MTFMT: variants seen among roughly 807,000 people sequenced by gnomAD.
MTFMT encodes mitochondrial methionyl-tRNA formyltransferase, also known as methionyl-tRNA formyltransferase, mitochondrial.
MTFMT carries 47 observed loss-of-function variants against 51.8 expected under a neutral mutation model. That is an observed-to-expected ratio of 0.91 (90% confidence interval 0.72 to 1.16). MTFMT has a LOEUF of 1.16. Among genes scored for constraint, MTFMT ranks in the 50% most tolerant of loss-of-function variants. The pLI, the probability that MTFMT is intolerant of heterozygous loss-of-function variation, is 0.00. For synonymous variants in MTFMT, 196 were observed against 176.7 expected, an observed-to-expected ratio of 1.11 and a Z score of -0.87; for missense variants, 512 against 482.3, an observed-to-expected ratio of 1.06 and a Z score of -0.58.
At position 65,023,712 on chromosome 15, in the gene MTFMT, T is replaced by G. The variant is rs763114536; in HGVS notation, c.502A>C (p.Thr168Pro). 2 of 1,613,692 alleles carry G rather than the reference T, an allele frequency of 1.2e-6. No individual in the cohort carries two copies. The highest frequency in any genetic ancestry group is 1.7e-6 in the Non-Finnish European group (2 of 1,179,766). The change falls in exon 3 of 9, where the codon ACA becomes CCA. Residue 168 changes from threonine (T) to proline (P), a missense_variant. Transcript: ENST00000220058. The part of the protein sequence containing the change: ...PVIHTVLHGD[T>P]VTGVTIMQIR... ...TGCATAATTGTTACTCCAGTAACTG[T>G]GTCTCCGTGAAGCACTGTATGGATT...
At chr15:65,027,202 CTT>C (rs544080836) in intron 1 of MTFMT, among the ~76,000 whole-genome samples, 162 bp from the exon 2 acceptor site, 13 of 143,900 alleles carry the variant, frequency 9.0e-5, no homozygotes, top group Admixed American at 1.4e-4. Context: ...TTTTCTTTTT[CTT>C]TTTTTTTTTT....
chr15:65,001,609 C>T lies in MTFMT; in HGVS notation c.*1453G>A, dbSNP rs2086177002. On this transcript the variant is annotated 3_prime_UTR_variant, in exon 9 of 9. Transcript: ENST00000220058. The stretch of plus-strand genomic sequence containing the variant: ...GGGTGCAGTGGTTCATGCTTGTAAT[C>T]CCAGCACTTTGAGAGGCCAAGGCAG... The T allele has an allele frequency of 6.6e-6, 1 of 152,266 alleles. No homozygotes were observed. Among genetic ancestry groups the T allele is most frequent in the African/African-American group, 2.4e-5 (1 of 41,450 alleles). The allele number at this position is 152,266 out of a possible 1,614,324, so 9.4% of individuals were successfully genotyped here. A position where few individuals can be genotyped will look rare whatever the true frequency, so the allele number is the denominator to read the frequency against.
chr15:65,017,519 CA>C (rs1174092831), intron 5 of MTFMT, among the ~76,000 whole-genome samples: 1 of 152,050 alleles, frequency 6.6e-6, no homozygotes. Flanking sequence ...AGAACTATGC[CA>C]CCATAAAAAA....
At chr15:65,007,470 A>G (rs2086227813) in intron 6 of MTFMT, among the ~76,000 whole-genome samples, 1 of 152,202 alleles carries the variant, frequency 6.6e-6, no homozygotes, top group Non-Finnish European at 1.5e-5. Flanking sequence ...TTTATGATAG[A>G]TATTTGTTAT....
chr15:65,006,773 GCATTA>G (rs1432013842), intron 6 of MTFMT, among the ~76,000 whole-genome samples: 1 of 152,044 alleles, frequency 6.6e-6, no homozygotes, highest in Admixed American at 6.6e-5. Flanking sequence ...AAAAATGCAA[GCATTA>G]CATTATGTTA....
chr15:65,003,686 G>A (rs560268555), intron 8 of MTFMT, among the ~76,000 whole-genome samples: 28 of 150,550 alleles, frequency 1.9e-4, no homozygotes, highest in Admixed American at 4.0e-4. Context: ...GCGAAACCCC[G>A]TCCTTACAAA....
intron 6 of MTFMT, among the ~76,000 whole-genome samples, chr15:65,013,307 A>G (rs1258558746): frequency 7.4e-6 from 1 of 134,368 alleles, no homozygotes; most frequent in East Asian, 2.0e-4. Flanking sequence ...TAAGAGACAA[A>G]GTCTGGCTAT....
At chr15:65,022,585 GT>G (rs1487298331) in intron 3 of MTFMT, among the ~76,000 whole-genome samples, 2 of 149,352 alleles carry the variant, frequency 1.3e-5, no homozygotes, top group Admixed American at 6.6e-5. Context: ...TTTGCTTTTT[GT>G]TTTTGTTAAT....
rs185900335 is a variant in MTFMT, at chr15:65,007,358, G to T, written c.814-1167C>A. Among the ~76,000 whole-genome samples, 499 of 152,298 alleles carry T rather than the reference G, an allele frequency of 3.3e-3. 2 individuals are homozygous for T. Among genetic ancestry groups the T allele is most frequent in the Admixed American group, 7.8e-3 (120 of 15,296 alleles). On this transcript the variant is annotated intron_variant, in intron 6 of 8. Transcript: ENST00000220058. ...ACTGTTTTACAAGGACTTTTGTTATGTGACCATAAAGCATTGATGTTTCAT... is the reference window on the plus strand; with the variant it reads ...ACTGTTTTACAAGGACTTTTGTTATTTGACCATAAAGCATTGATGTTTCAT...
chr15:65,006,338 A>C, intron 6 of MTFMT, 147 bp from the exon 7 acceptor site: 1 of 593,864 alleles, frequency 1.7e-6, no homozygotes, highest in Non-Finnish European at 3.1e-6. Context: ...CAGACCGTAA[A>C]CATGACTCTC....
chr15:65,028,370 C>T lies in MTFMT; in HGVS notation c.209+1035G>A, dbSNP rs990803652. On this transcript the variant is annotated intron_variant, in intron 1 of 8. Coordinates refer to ENST00000220058, the MANE Select transcript of MTFMT (RefSeq NM_139242.4). Reference sequence around the variant, plus strand: ...GTCGAGGCTGCAGTGAGCTATGAGCCGGCCACTGCACTCCAGCCTGGGGGA... The same window carrying T: ...GTCGAGGCTGCAGTGAGCTATGAGCTGGCCACTGCACTCCAGCCTGGGGGA... Among the ~76,000 whole-genome samples, 4 of 152,082 alleles carry T rather than the reference C, an allele frequency of 2.6e-5. No individual in the cohort carries two copies. In the East Asian group the frequency reaches 7.7e-4, roughly 29 times the overall value.
chr15:65,010,734 G>T (rs2086257482), intron 6 of MTFMT, among the ~76,000 whole-genome samples: 1 of 152,174 alleles, frequency 6.6e-6, no homozygotes, highest in African/African-American at 2.4e-5. Context: ...GAAAGGAAAT[G>T]CTGGGTCATA....
At chr15:65,022,014 T>C (rs1341179999) in intron 3 of MTFMT, among the ~76,000 whole-genome samples, 1 of 152,190 alleles carries the variant, frequency 6.6e-6, no homozygotes, top group Non-Finnish European at 1.5e-5. Flanking sequence ...AATTATATCA[T>C]TAGTAATAGC....
In MTFMT at chr15:65,009,277, C is replaced by T. The variant is rs1240557664; in HGVS notation, c.814-3086G>A. Among the ~76,000 whole-genome samples, 3 of 152,274 alleles carry T rather than the reference C, an allele frequency of 2.0e-5. No individual in the cohort carries two copies. The East Asian group carries it at 5.8e-4, about 29-fold the overall frequency. On this transcript the variant is annotated intron_variant, in intron 6 of 8. Transcript: ENST00000220058. Reference sequence around the variant, plus strand: ...ATCATCATGTAGTAAGTTATAGGTGCCAAGAGATTTCAAGCTACTGGCCTA... The same window carrying T: ...ATCATCATGTAGTAAGTTATAGGTGTCAAGAGATTTCAAGCTACTGGCCTA...
At chr15:65,025,510 G>C (rs891886983) in intron 2 of MTFMT, among the ~76,000 whole-genome samples, 1 of 152,206 alleles carries the variant, frequency 6.6e-6, no homozygotes, top group Non-Finnish European at 1.5e-5. Context: ...GGAGGCTTCT[G>C]TAGTAATGTA....
chr15:65,006,622 C>G (rs1284948279), intron 6 of MTFMT, among the ~76,000 whole-genome samples: 1 of 152,100 alleles, frequency 6.6e-6, no homozygotes, highest in African/African-American at 2.4e-5. Context: ...ATGATCCGCC[C>G]GCCTTAGCCT....
chr15:65,020,128 G>A (rs2086358936), intron 5 of MTFMT, 69 bp downstream of exon 5: 11 of 1,407,012 alleles, frequency 7.8e-6, no homozygotes, highest in South Asian at 1.3e-5. Flanking sequence ...TAAGAAGTCA[G>A]AATGTTCAGA....
rs552380370 is a variant in MTFMT, at chr15:65,023,713, G to A, written c.501C>T (p.Asp167=). The change falls in exon 3 of 9, where the codon GAC becomes GAT. Residue 167 remains aspartate, a synonymous_variant. Transcript: ENST00000220058. ...GCATAATTGTTACTCCAGTAACTGT[G>A]TCTCCGTGAAGCACTGTATGGATTA... is the stretch of plus-strand genomic sequence containing the variant. ...APVIHTVLHG[D]TVTGVTIMQI... The A allele has an allele frequency of 1.9e-6, 3 of 1,613,690 alleles. No individual in the cohort carries two copies. The highest frequency in any genetic ancestry group is 2.2e-5 in the East Asian group (1 of 44,876).
chr15:65,013,442 AG>A (rs1281334230), intron 6 of MTFMT, among the ~76,000 whole-genome samples: 1 of 152,120 alleles, frequency 6.6e-6, no homozygotes, highest in Non-Finnish European at 1.5e-5. Context: ...TGTTAGTTAC[AG>A]GGTCTTCATA....
Sources: allele counts gnomAD v4.1 joint callset (sites outside exome capture counted in the v4.1 genomes callset), GRCh38; gene constraint gnomAD v4.1.1; transcripts MANE v1.5; gene names NCBI Gene and HGNC (gene_info 2026-07-23, HGNC 2026-07-21).